HMCN1: variants seen among roughly 807,000 people sequenced by gnomAD.
HMCN1 encodes hemicentin-1.
In HMCN1, 321 loss-of-function variants were observed where a neutral mutation model predicts 625.9. The ratio of observed to expected loss-of-function variants is 0.51; its 90% confidence interval spans 0.47 to 0.56. The LOEUF (loss-of-function observed/expected upper bound fraction) is 0.56, where lower values mean the gene tolerates loss of function less well. Among genes scored for constraint, HMCN1 ranks in the 20% least tolerant of loss-of-function variants. HMCN1 has a pLI of 0.00. For missense variants in HMCN1, 6,588 were observed against 6,887.3 expected, an observed-to-expected ratio of 0.96 and a Z score of 1.54; for synonymous variants, 2,425 against 2,417.6, an observed-to-expected ratio of 1.00 and a Z score of -0.09.
At chr1:186,138,865 A>T (rs1440516256) in intron 89 of HMCN1, among the ~76,000 whole-genome samples, 2 of 152,212 alleles carry the variant, frequency 1.3e-5, no homozygotes, top group Non-Finnish European at 2.9e-5. Flanking sequence ...TGAGAAAGAA[A>T]TCATGCAAAG....
At chr1:185,837,638 T>C (rs1039968103) in intron 1 of HMCN1, among the ~76,000 whole-genome samples, 5 of 152,174 alleles carry the variant, frequency 3.3e-5, no homozygotes, top group Non-Finnish European at 7.3e-5. Context: ...CTGATATATA[T>C]TCTTTTATAT....
At chr1:185,787,439 G>T (rs1657698034) in intron 1 of HMCN1, among the ~76,000 whole-genome samples, 2 of 152,156 alleles carry the variant, frequency 1.3e-5, no homozygotes, top group Non-Finnish European at 2.9e-5. Context: ...CCAGTGCCCA[G>T]ATACGCCAGT....
chr1:185,979,846 C>T (rs996030330), intron 16 of HMCN1, among the ~76,000 whole-genome samples: 3 of 152,088 alleles, frequency 2.0e-5, no homozygotes, highest in Admixed American at 6.6e-5. Flanking sequence ...GATTAAACTG[C>T]TCATTTTGGT....
intron 4 of HMCN1, among the ~76,000 whole-genome samples, chr1:185,894,862 C>T (rs1665395842): frequency 6.6e-6 from 1 of 152,058 alleles, no homozygotes; most frequent in Non-Finnish European, 1.5e-5. Flanking sequence ...TACCATTACT[C>T]ATTTTTGTTT....
intron 62 of HMCN1, 123 bp downstream of exon 62, chr1:186,088,399 A>G (rs1377682407): frequency 1.4e-6 from 2 of 1,460,672 alleles, no homozygotes; most frequent in African/African-American, 2.8e-5. Flanking sequence ...CAAGAAGGCT[A>G]ACGCACTGAA....
Position 186,076,518 on chromosome 1 carries a change from C to A in HMCN1, c.8381C>A (p.Pro2794His), listed in dbSNP as rs1415398047. 6.2e-7 allele frequency: 1 copy of A among 1,613,736 alleles called. No individual in the cohort carries two copies. Among genetic ancestry groups the A allele is most frequent in the East Asian group, 2.2e-5 (1 of 44,834 alleles). ...GCCAAAGATGTGATCATCAACAATCCCATTTCTCTTTACTGTGAGACAAAT... is the reference window on the plus strand; with the variant it reads ...GCCAAAGATGTGATCATCAACAATCACATTTCTCTTTACTGTGAGACAAAT... ...GEAKDVIINN[P>H]ISLYCETNAA... The change falls in exon 54 of 107, where the codon CCC becomes CAC. Residue 2794 changes from proline to histidine, a missense_variant. Physicochemically the swap from Pro to His is moderately conservative, Grantham distance 77 (BLOSUM62 -2). Coordinates refer to ENST00000271588, the MANE Select transcript of HMCN1 (RefSeq NM_031935.3).
chr1:185,796,409 A>C (rs961011013), intron 1 of HMCN1, among the ~76,000 whole-genome samples: 1 of 152,050 alleles, frequency 6.6e-6, no homozygotes, highest in Non-Finnish European at 1.5e-5. Flanking sequence ...GTATTTTCTC[A>C]TCCCTTATCC....
chr1:186,039,395 C>T (rs1300922666), intron 38 of HMCN1, among the ~76,000 whole-genome samples: 1 of 151,798 alleles, frequency 6.6e-6, no homozygotes, highest in East Asian at 1.9e-4. Context: ...AGGGGGTACA[C>T]ACTTGTGTTC....
intron 4 of HMCN1, among the ~76,000 whole-genome samples, chr1:185,873,016 T>A (rs1663715822): frequency 6.6e-6 from 1 of 152,124 alleles, no homozygotes; most frequent in South Asian, 2.1e-4. Flanking sequence ...GCTTATATAA[T>A]GCTTCAAGGA....
chr1:186,190,532 GATA>G lies in HMCN1; in HGVS notation c.*665_*667del, dbSNP rs886045695. 2.0e-5 allele frequency: 4 copies of G among 201,968 alleles called. No homozygotes were observed. Among genetic ancestry groups the G allele is most frequent in the Admixed American group, 6.0e-5 (1 of 16,690 alleles). The allele number at this position is 201,968 out of a possible 1,614,324, so 12.5% of individuals were successfully genotyped here. On this transcript the variant is annotated 3_prime_UTR_variant, in exon 107 of 107. Transcript: ENST00000271588. Reference sequence around the variant, plus strand: ...TTGTGAGATCAGCTGAACCACTTATGATAATAATAATAAAAAAGACTGCTTTGC... The same window carrying G: ...TTGTGAGATCAGCTGAACCACTTATGATAATAATAAAAAAGACTGCTTTGC...
At chr1:186,125,544 G>A in intron 81 of HMCN1, 60 bp from the exon 82 acceptor site, 1 of 1,297,944 alleles carries the variant, frequency 7.7e-7, no homozygotes, top group Non-Finnish European at 1.1e-6. Flanking sequence ...AATTTTTATT[G>A]TGAATAAAGA....
At chr1:186,075,887 T>C (rs1398642223) in intron 53 of HMCN1, among the ~76,000 whole-genome samples, 6 of 152,190 alleles carry the variant, frequency 3.9e-5, no homozygotes, top group Admixed American at 3.9e-4. Context: ...ATAAATTTTA[T>C]GTTATGCACT....
At chr1:185,946,072 G>A (rs1668326339) in intron 11 of HMCN1, among the ~76,000 whole-genome samples, 1 of 152,208 alleles carries the variant, frequency 6.6e-6, no homozygotes. Flanking sequence ...GAAGTTGAAG[G>A]AAGAAGTGTG....
In HMCN1 at chr1:186,070,646, GC is replaced by G; in HGVS notation, c.8030del (p.Pro2677GlnfsTer8). The G allele has an allele frequency of 6.2e-7, 1 of 1,613,196 alleles. No homozygotes were observed. Among genetic ancestry groups the G allele is most frequent in the Non-Finnish European group, 8.5e-7 (1 of 1,179,254 alleles). On this transcript the variant is annotated frameshift_variant, in exon 52 of 107. Coordinates refer to ENST00000271588, the MANE Select transcript of HMCN1 (RefSeq NM_031935.3). LOFTEE classifies it high-confidence loss of function. Reference protein sequence around the residue: ...PIINKGDLWGPGLSPKEVKIK... With the variant: ...PIINKGDLWGXGLSPKEVKIK... ...TAATCAATAAAGGGGACCTTTGGGG[GC>G]CAGGTCTTTCCCCTAAAGAAGTGAA...
chr1:185,889,976 C>A lies in HMCN1; in HGVS notation c.622-19361C>A, dbSNP rs1379981894. Among the ~76,000 whole-genome samples, 3 of 149,968 alleles carry A rather than the reference C, an allele frequency of 2.0e-5. 1 individual carries two copies. Among genetic ancestry groups the A allele is most frequent in the African/African-American group, 2.5e-5 (1 of 39,314 alleles). ...TGGTTGGTAAGCTATTGATTATTGC[C>A]ACAATTTCAGATCCTGTTATTGGTC... On this transcript the variant is annotated intron_variant, in intron 4 of 106. Transcript: ENST00000271588.
At chr1:185,988,974 G>A (rs1368972587) in intron 20 of HMCN1, among the ~76,000 whole-genome samples, 1 of 149,934 alleles carries the variant, frequency 6.7e-6, no homozygotes, top group Non-Finnish European at 1.5e-5. Flanking sequence ...AAAATGACAT[G>A]ATATGGTATG....
intron 4 of HMCN1, among the ~76,000 whole-genome samples, chr1:185,891,889 A>C (rs1430586011): frequency 2.0e-5 from 3 of 147,868 alleles, no homozygotes; most frequent in African/African-American, 8.1e-5. Context: ...TCTCCAGGAT[A>C]ATACCCTGCA....
rs762652262 is a variant in HMCN1 at position 186,038,710 on chromosome 1, A to G, written c.5852-119A>G. 4.6e-5 allele frequency: 32 copies of G among 693,706 alleles called. No homozygotes were observed. In the Admixed American group the frequency reaches 5.4e-4, roughly 12 times the overall value. The allele number at this position is 693,706 out of a possible 1,614,324, so 43.0% of individuals were successfully genotyped here. A position where few individuals can be genotyped will look rare whatever the true frequency, so the allele number is the denominator to read the frequency against. On this transcript the variant is annotated intron_variant, in intron 37 of 106. Transcript: ENST00000271588. Reference sequence around the variant, plus strand: ...AAGCTAAAGAGATGATTATGTAAACAGATTAAATTCAAATAATAAGTATAA... The same window carrying G: ...AAGCTAAAGAGATGATTATGTAAACGGATTAAATTCAAATAATAAGTATAA...
At chr1:186,010,955 TAG>T (rs1172550419) in intron 30 of HMCN1, among the ~76,000 whole-genome samples, 11 of 152,118 alleles carry the variant, frequency 7.2e-5, no homozygotes, top group Non-Finnish European at 1.3e-4. Context: ...ATGAGAAAAA[TAG>T]AGTTATTTTG....
Sources: gnomAD v4.1 joint callset for allele counts (sites outside exome capture counted in the v4.1 genomes callset) on GRCh38, gnomAD v4.1.1 for gene constraint, MANE v1.5 for transcripts, NCBI Gene and HGNC (gene_info 2026-07-23, HGNC 2026-07-21) for gene names.